AHCY: variants seen among roughly 807,000 people sequenced by gnomAD.
AHCY encodes S-adenosyl-L-homocysteine hydrolase.
Under a neutral mutation model 45.4 loss-of-function variants are expected in AHCY, and 24 were observed. The observed-to-expected ratio is 0.53, with a 90% confidence interval of 0.38 to 0.74. AHCY has a LOEUF of 0.74. AHCY is among the 30% of genes least tolerant of loss of function. The pLI, the probability that AHCY is intolerant of heterozygous loss-of-function variation, is 0.00. For synonymous variants in AHCY, 245 were observed against 235.1 expected, an observed-to-expected ratio of 1.04 and a Z score of -0.39; for missense variants, 449 against 594.1, an observed-to-expected ratio of 0.76 and a Z score of 2.54.
chr20:34,279,315 G>C (rs1431941077), downstream of AHCY, among the ~76,000 whole-genome samples: 1 of 151,590 alleles, frequency 6.6e-6, no homozygotes. Context: ...CAGCTACTCG[G>C]GAGGCTGAGG....
Position 34,295,524 on chromosome 20 carries a change from C to G in AHCY, c.90G>C (p.Pro30=). 4 of 1,614,124 alleles carry G rather than the reference C, an allele frequency of 2.5e-6. No individual in the cohort carries two copies. Among genetic ancestry groups the G allele is most frequent in the East Asian group, 2.2e-5 (1 of 44,888 alleles). ...KALDIAENEM[P]GLMRMRERYS... ...ACCGCTCCCGCATACGCATCAGGCCCGGCATCTCGTTCTCAGCAATGTCCA... is the reference window on the plus strand; with the variant it reads ...ACCGCTCCCGCATACGCATCAGGCCGGGCATCTCGTTCTCAGCAATGTCCA... Residue 30 remains proline (P), a synonymous_variant, in exon 2 of 10, where the codon CCG becomes CCC. Coordinates refer to ENST00000217426, the MANE Select transcript of AHCY (RefSeq NM_000687.4).
At chr20:34,260,562 C>G in the AHCY span, 3 of 1,578,308 alleles carry the variant, frequency 1.9e-6, no homozygotes, top group South Asian at 3.5e-5. Context: ...TGGGCTCTGG[C>G]CCAGGAGAGG....
At chr20:34,302,979 C>T (rs1398359306) in intron 1 of AHCY, 1 of 985,366 alleles carries the variant, frequency 1.0e-6, no homozygotes. Context: ...GCGGAGCACG[C>T]CGCCAGTTTG....
intron 2 of AHCY, 146 bp downstream of exon 2, chr20:34,295,249 G>A (rs893077423): frequency 1.1e-5 from 11 of 988,060 alleles, no homozygotes; most frequent in Non-Finnish European, 1.7e-5. Flanking sequence ...CTGGGAAACG[G>A]AGGAAACCGA....
At chr20:34,248,092 G>T in the AHCY span, among the ~76,000 whole-genome samples, 256 of 152,198 alleles carry the variant, frequency 1.7e-3, no homozygotes, top group Non-Finnish European at 2.9e-3. Context: ...TGTAATCCCA[G>T]CTACTCAGGA....
At chr20:34,303,404 A>C, upstream of AHCY, 2 of 1,295,968 alleles carry the variant, frequency 1.5e-6, no homozygotes, top group Non-Finnish European at 2.2e-6. Flanking sequence ...GCACTTGCAT[A>C]TTCATGACCC....
chr20:34,280,505 G>T lies in AHCY; in HGVS notation c.*529C>A. 1 of 183,368 alleles carries T rather than the reference G, an allele frequency of 5.5e-6. No individual in the cohort carries two copies. The allele number at this position is 183,368 out of a possible 1,614,324, so 11.4% of individuals were successfully genotyped here. A position where few individuals can be genotyped will look rare whatever the true frequency, so the allele number is the denominator to read the frequency against. On this transcript the variant is annotated 3_prime_UTR_variant, in exon 10 of 10. Transcript: ENST00000217426. The stretch of plus-strand genomic sequence containing the variant: ...GTCTATTCTAACCCCTGTAAAACAG[G>T]GACTAAAAGTACTAACCTCATTGTA...
At chr20:34,288,491 G>A (rs1300165214) in intron 8 of AHCY, among the ~76,000 whole-genome samples, 1 of 152,056 alleles carries the variant, frequency 6.6e-6, no homozygotes, top group Non-Finnish European at 1.5e-5. Flanking sequence ...AACACAGCAA[G>A]GCCTCGTCTC....
In AHCY at chr20:34,295,464, G is replaced by A. The variant is rs371941302; in HGVS notation, c.150C>T (p.Ile50=). The A allele has an allele frequency of 5.6e-6, 9 of 1,614,022 alleles. No homozygotes were observed. Among genetic ancestry groups the A allele is most frequent in the South Asian group, 2.2e-5 (2 of 91,086 alleles). Residue 50 remains isoleucine, a synonymous_variant, in exon 2 of 10, where the codon ATC becomes ATT. Coordinates refer to ENST00000217426, the MANE Select transcript of AHCY (RefSeq NM_000687.4). ...SASKPLKGAR[I]AGCLHMTVET... ...CCACGGTCATGTGCAGGCAGCCAGCGATGCGGGCGCCCTTCAGTGGCTTGG... is the reference window on the plus strand; with the variant it reads ...CCACGGTCATGTGCAGGCAGCCAGCAATGCGGGCGCCCTTCAGTGGCTTGG...
chr20:34,290,479 T>C lies in AHCY; in HGVS notation c.855-30A>G. ...CAGGCAGCCCAAGACCGTGGGAGAT[T>C]GTCAGGGACAGAAAGCTGTCCCAAC... On this transcript the variant is annotated intron_variant, in intron 7 of 9. Transcript: ENST00000217426. This position sits in a 1 kb window ranked among gnomAD's most constrained non-coding sequence, Gnocchi z 4.5. 1 of 1,613,900 alleles carries C rather than the reference T, an allele frequency of 6.2e-7. No homozygotes were observed. The highest frequency in any genetic ancestry group is 8.5e-7 in the Non-Finnish European group (1 of 1,179,804).
Position 34,285,635 on chromosome 20 carries a change from C to G in AHCY, c.973-1G>C. 3 of 1,612,976 alleles carry G rather than the reference C, an allele frequency of 1.9e-6. No individual in the cohort carries two copies. Among genetic ancestry groups the G allele is most frequent in the Non-Finnish European group, 8.5e-7 (1 of 1,179,964 alleles). On this transcript the variant is annotated splice_acceptor_variant, in intron 8 of 9. Transcript: ENST00000217426. LOFTEE classifies it high-confidence loss of function. ...CATTCTTCAACCGATACCGGTCCAC[C>G]TACACGCAGGCAGGGCAACAGTGAA... is the stretch of plus-strand genomic sequence containing the variant.
At chr20:34,305,159 C>CAAAA (rs528737503), upstream of AHCY, among the ~76,000 whole-genome samples, 123 of 109,376 alleles carry the variant, frequency 1.1e-3, 2 homozygotes, top group African/African-American at 3.8e-3. Context: ...ACTAAAAATA[C>CAAAA]AAAAAAAAAA....
chr20:34,269,330 T>G, the AHCY span: 1 of 901,624 alleles, frequency 1.1e-6, no homozygotes, highest in Non-Finnish European at 1.6e-6. Context: ...CGAAATACAA[T>G]ATATATAGGC....
intron 1 of AHCY, among the ~76,000 whole-genome samples, chr20:34,310,907 C>A (rs2036940839): frequency 6.6e-6 from 1 of 152,172 alleles, no homozygotes; most frequent in Admixed American, 6.5e-5. Flanking sequence ...GGGCGGGTCA[C>A]CTGAGGTCAG....
Position 34,290,478 on chromosome 20 carries a change from T to C in AHCY, c.855-29A>G, listed in dbSNP as rs57318446. 2.0e-3 allele frequency: 3,297 copies of C among 1,613,828 alleles called. 62 individuals are homozygous for C. In the African/African-American group the frequency reaches 0.04, roughly 20 times the overall value. On this transcript the variant is annotated intron_variant, in intron 7 of 9. Transcript: ENST00000217426. This position sits in a 1 kb window ranked among gnomAD's most constrained non-coding sequence, Gnocchi z 4.5. ...TCAGGCAGCCCAAGACCGTGGGAGA[T>C]TGTCAGGGACAGAAAGCTGTCCCAA...
chr20:34,293,547 G>A (rs929226698), intron 3 of AHCY: 6 of 239,026 alleles, frequency 2.5e-5, no homozygotes, highest in African/African-American at 1.4e-4. Flanking sequence ...AGTCTGTGAA[G>A]GAGTGCTGTG....
rs141247717 is a variant in AHCY, at chr20:34,293,754, C to G, written c.295+327G>C. 2.6e-3 allele frequency: 1,047 copies of G among 409,520 alleles called. 11 individuals are homozygous for G. The highest frequency in any genetic ancestry group is 0.019 in the African/African-American group (949 of 48,762). The allele number at this position is 409,520 out of a possible 1,614,324, so 25.4% of individuals were successfully genotyped here. ...TAGGCAGTGAACCTCTTTTTCTGCC[C>G]CGTAGCCCTCCCCAGTTCTTTGGAA... On this transcript the variant is annotated intron_variant, in intron 3 of 9. Transcript: ENST00000217426.
In AHCY at chr20:34,295,414, AG is replaced by A. The variant is rs2036541970; in HGVS notation, c.199del (p.Leu67SerfsTer61). The A allele has an allele frequency of 6.2e-7, 1 of 1,613,840 alleles. No homozygotes were observed. Among genetic ancestry groups the A allele is most frequent in the Admixed American group, 1.7e-5 (1 of 59,992 alleles). ...CCTCACCTCAGCACCCAGGGTGACG[AG>A]GGTCTCAATGAGGACGGCCGTCTCC... ...TVETAVLIET[L>X]VTLGAEVQWS... On this transcript the variant is annotated frameshift_variant, in exon 2 of 10. Coordinates refer to ENST00000217426, the MANE Select transcript of AHCY (RefSeq NM_000687.4). LOFTEE classifies it high-confidence loss of function.
At chr20:34,268,998 C>A in the AHCY span, 21 of 1,605,656 alleles carry the variant, frequency 1.3e-5, no homozygotes, top group African/African-American at 2.3e-4. Context: ...CAGAAGGAGG[C>A]TTCGATGAAG....
Sources: gnomAD v4.1 joint callset for allele counts (sites outside exome capture counted in the v4.1 genomes callset) on GRCh38, gnomAD v4.1.1 for gene constraint, Gnocchi (gnomAD v3.1) non-coding constraint, MANE v1.5 for transcripts, NCBI Gene and HGNC (gene_info 2026-07-23, HGNC 2026-07-21) for gene names.